SLC29A3: variants seen among roughly 807,000 people sequenced by gnomAD.
The protein encoded by SLC29A3 is solute carrier family 29 member 3, also known as equilibrative nucleoside transporter 3.
Under a neutral mutation model 25.4 loss-of-function variants are expected in SLC29A3, and 18 were observed. The observed-to-expected ratio is 0.71, with a 90% confidence interval of 0.49 to 1.05. The LOEUF (loss-of-function observed/expected upper bound fraction) is 1.05. Among genes scored for constraint, SLC29A3 ranks in the 50% least tolerant of loss-of-function variants. SLC29A3 has a pLI of 0.00. For missense variants in SLC29A3, 586 were observed against 609.0 expected (o/e 0.96, Z 0.40); for synonymous variants, 258 against 267.1 (o/e 0.97, Z 0.33).
intron 3 of SLC29A3, among the ~76,000 whole-genome samples, chr10:71,370,919 T>C (rs906128174): frequency 6.6e-6 from 1 of 152,098 alleles, no homozygotes; most frequent in African/African-American, 2.4e-5. Context: ...TTCTTTATAC[T>C]AGAAACATCT....
Position 71,363,146 on chromosome 10 carries a change from C to T in SLC29A3, c.*538C>T, listed in dbSNP as rs1174617728. The T allele has an allele frequency of 2.3e-6, 1 of 440,190 alleles. No homozygotes were observed. The highest frequency in any genetic ancestry group is 2.0e-5 in the African/African-American group (1 of 49,474). The allele number at this position is 440,190 out of a possible 1,614,324, so 27.3% of individuals were successfully genotyped here. A position where few individuals can be genotyped will look rare whatever the true frequency, so the allele number is the denominator to read the frequency against. Reference sequence around the variant, plus strand: ...CTGTGTTCTGTGGGTGAACAACTGCCCACTAACCAGACTGGAAAACCCAGA... The same window carrying T: ...CTGTGTTCTGTGGGTGAACAACTGCTCACTAACCAGACTGGAAAACCCAGA... On this transcript the variant is annotated 3_prime_UTR_variant, in exon 6 of 6. Coordinates refer to ENST00000373189, the MANE Select transcript of SLC29A3 (RefSeq NM_018344.6).
chr10:71,351,394 A>G (rs1402837993), intron 3 of SLC29A3, among the ~76,000 whole-genome samples, 168 bp from the exon 4 acceptor site: 1 of 152,224 alleles, frequency 6.6e-6, no homozygotes. Context: ...ACCCAAGGCC[A>G]CACAGCTAGG....
intron 1 of SLC29A3, among the ~76,000 whole-genome samples, chr10:71,321,794 G>A (rs61851337): frequency 0.047 from 7,094 of 152,282 alleles, 239 homozygotes; most frequent in Non-Finnish European, 0.074. Flanking sequence ...TATCTTAGGC[G>A]CTACCATAGA....
chr10:71,326,452 G>T (rs1044171462), intron 2 of SLC29A3, among the ~76,000 whole-genome samples: 2 of 152,218 alleles, frequency 1.3e-5, no homozygotes, highest in African/African-American at 2.4e-5. Flanking sequence ...CTTAGCCGGG[G>T]TGCTTTACAA....
intron 3 of SLC29A3, among the ~76,000 whole-genome samples, chr10:71,369,582 T>C (rs2131857559): frequency 6.6e-6 from 1 of 152,328 alleles, no homozygotes; most frequent in East Asian, 1.9e-4. Flanking sequence ...GACTGTTTGC[T>C]AAGGAGATCA....
intron 3 of SLC29A3, among the ~76,000 whole-genome samples, chr10:71,350,645 G>A (rs1846731258): frequency 6.6e-6 from 1 of 152,142 alleles, no homozygotes; most frequent in South Asian, 2.1e-4. Flanking sequence ...GGAGTGTGGG[G>A]GTTCCCTTGG....
intron 2 of SLC29A3, among the ~76,000 whole-genome samples, chr10:71,324,138 G>A (rs1469484138): frequency 6.6e-6 from 1 of 152,176 alleles, no homozygotes; most frequent in African/African-American, 2.4e-5. Flanking sequence ...AGAGGAGATG[G>A]GGATTTATAG....
At chr10:71,378,579 G>T (rs539218239) in intron 4 of SLC29A3, among the ~76,000 whole-genome samples, 1 of 152,318 alleles carries the variant, frequency 6.6e-6, no homozygotes, top group Non-Finnish European at 1.5e-5. Context: ...CAAACCAGCA[G>T]CAAACTGTAC....
intron 2 of SLC29A3, among the ~76,000 whole-genome samples, chr10:71,335,002 C>T (rs572287616): frequency 0.01 from 1,562 of 149,998 alleles, 13 homozygotes; most frequent in Non-Finnish European, 0.018. Context: ...CTGGCATTCC[C>T]AGCCCCTAGA....
intron 2 of SLC29A3, among the ~76,000 whole-genome samples, chr10:71,340,289 A>G (rs1054588630): frequency 2.6e-5 from 4 of 152,188 alleles, no homozygotes; most frequent in Non-Finnish European, 4.4e-5. Context: ...TTAGTCAGCT[A>G]TGTAAACAGA....
At position 71,362,352 on chromosome 10, in the gene SLC29A3, C is replaced by T; in HGVS notation, c.1172C>T (p.Pro391Leu). ...GFVLLRTCLI[P>L]LFVLCNYQPR... ...GTGCTCCTCCGGACCTGCCTCATCCCCCTCTTCGTGCTCTGTAACTACCAG... is the reference window on the plus strand; with the variant it reads ...GTGCTCCTCCGGACCTGCCTCATCCTCCTCTTCGTGCTCTGTAACTACCAG... The change falls in exon 6 of 6, where the codon CCC becomes CTC. Residue 391 changes from proline to leucine, a missense_variant. Pro to Leu is a moderately conservative substitution (Grantham distance 98). Coordinates refer to ENST00000373189, the MANE Select transcript of SLC29A3 (RefSeq NM_018344.6). The T allele has an allele frequency of 1.2e-6, 2 of 1,614,186 alleles. No individual in the cohort carries two copies. Among genetic ancestry groups the T allele is most frequent in the Non-Finnish European group, 1.7e-6 (2 of 1,180,046 alleles).
chr10:71,330,040 C>T (rs931901405), intron 2 of SLC29A3, among the ~76,000 whole-genome samples: 2 of 152,298 alleles, frequency 1.3e-5, no homozygotes, highest in Admixed American at 6.5e-5. Flanking sequence ...TTGGAGGGTT[C>T]GGTGCTTGTC....
intron 2 of SLC29A3, among the ~76,000 whole-genome samples, chr10:71,328,492 C>T (rs755666209): frequency 7.2e-5 from 11 of 152,184 alleles, no homozygotes; most frequent in Non-Finnish European, 1.5e-4. Flanking sequence ...CTGCAGCACC[C>T]GTAGGTCAGG....
intron 2 of SLC29A3, among the ~76,000 whole-genome samples, chr10:71,336,469 G>A (rs548963848): frequency 7.2e-5 from 11 of 152,110 alleles, no homozygotes; most frequent in Admixed American, 3.9e-4. Context: ...CAGGGCAGCC[G>A]GGAGGGACAC....
intron 3 of SLC29A3, among the ~76,000 whole-genome samples, chr10:71,369,873 CTG>C (rs1847198133): frequency 6.6e-6 from 1 of 152,244 alleles, no homozygotes; most frequent in African/African-American, 2.4e-5. Flanking sequence ...GCTCCAAAGC[CTG>C]TCTTTCCTCT....
chr10:71,335,802 C>T (rs867019683), intron 2 of SLC29A3, among the ~76,000 whole-genome samples: 20 of 151,962 alleles, frequency 1.3e-4, no homozygotes, highest in African/African-American at 4.1e-4. Context: ...GATGAAGAGA[C>T]GGATGTATGG....
At chr10:71,361,796 C>T (rs1000934746) in intron 5 of SLC29A3, among the ~76,000 whole-genome samples, 158 bp from the exon 6 acceptor site, 1 of 152,218 alleles carries the variant, frequency 6.6e-6, no homozygotes, top group Non-Finnish European at 1.5e-5. Flanking sequence ...CACCCCGTGA[C>T]AGCATCTGTC....
intron 2 of SLC29A3, among the ~76,000 whole-genome samples, chr10:71,329,927 C>G (rs959539556): frequency 1.3e-5 from 2 of 152,180 alleles, no homozygotes; most frequent in African/African-American, 4.8e-5. Flanking sequence ...GGACAGTTTC[C>G]CCCTTGGAGA....
chr10:71,351,017 G>A (rs574230585), intron 3 of SLC29A3, among the ~76,000 whole-genome samples: 7 of 152,314 alleles, frequency 4.6e-5, no homozygotes, highest in East Asian at 3.9e-4. Context: ...CTATGGCGAC[G>A]ATGATGATGA....
Sources: allele counts gnomAD v4.1 joint callset (sites outside exome capture counted in the v4.1 genomes callset), GRCh38; gene constraint gnomAD v4.1.1; transcripts MANE v1.5; gene names NCBI Gene and HGNC (gene_info 2026-07-23, HGNC 2026-07-21).